GPC5: variants seen among roughly 807,000 people sequenced by gnomAD.
The protein encoded by GPC5 is glypican 5.
In GPC5, 47 loss-of-function variants were observed where a neutral mutation model predicts 53.9. That is an observed-to-expected ratio of 0.87 (90% CI 0.69 to 1.11). The LOEUF (loss-of-function observed/expected upper bound fraction) is 1.11. GPC5 is among the 50% of genes most tolerant of loss of function. The pLI is 0.00. For missense variants in GPC5, 748 were observed against 713.1 expected (o/e 1.05, Z -0.56); for synonymous variants, 286 against 263.3 (o/e 1.09, Z -0.84).
intron 5 of GPC5, among the ~76,000 whole-genome samples, chr13:91,797,690 C>T (rs2038068230): frequency 6.6e-6 from 1 of 152,172 alleles, no homozygotes; most frequent in African/African-American, 2.4e-5. Flanking sequence ...TGAGTTTCAT[C>T]CACATTTGAT....
At chr13:91,439,908 A>C (rs1173720251) in intron 1 of GPC5, among the ~76,000 whole-genome samples, 2 of 152,214 alleles carry the variant, frequency 1.3e-5, no homozygotes, top group East Asian at 1.9e-4. Context: ...CATTGTAATC[A>C]AGCTGCTATC....
rs544628369 is a variant in GPC5 at position 91,789,651 on chromosome 13, C to A, written c.1280+33231C>A. Among the ~76,000 whole-genome samples the A allele has an allele frequency of 2.0e-5, 3 of 152,240 alleles. No homozygotes were observed. The South Asian group carries it at 6.2e-4, about 32-fold the overall frequency. Reference sequence around the variant, plus strand: ...GCACGCTGACTTTCTACTATACAGACAATGTAAAGGGCTTTAAATTTGTTA... The same window carrying A: ...GCACGCTGACTTTCTACTATACAGAAAATGTAAAGGGCTTTAAATTTGTTA... On this transcript the variant is annotated intron_variant, in intron 5 of 7. Transcript: ENST00000377067.
chr13:91,689,533 C>T lies in GPC5; in HGVS notation c.326-3654C>T, dbSNP rs1302992371. On this transcript the variant is annotated intron_variant, in intron 2 of 7. Coordinates refer to ENST00000377067, the MANE Select transcript of GPC5 (RefSeq NM_004466.6). ...AAAACTTTTTGATTTTTTGTAGTAACATTTAGCTTAAAAGACAAACTCATT... is the reference window on the plus strand; with the variant it reads ...AAAACTTTTTGATTTTTTGTAGTAATATTTAGCTTAAAAGACAAACTCATT... Among the ~76,000 whole-genome samples the T allele has an allele frequency of 2.7e-5, 4 of 150,934 alleles. 1 individual carries two copies. The South Asian group carries it at 8.3e-4, about 31-fold the overall frequency.
chr13:92,239,056 TG>T (rs1319430711), intron 7 of GPC5, among the ~76,000 whole-genome samples: 9 of 151,916 alleles, frequency 5.9e-5, no homozygotes, highest in Non-Finnish European at 1.3e-4. Flanking sequence ...TGACTATAAA[TG>T]TGAAGTTTTA....
At chr13:92,527,394 A>AT (rs762392156) in intron 7 of GPC5, among the ~76,000 whole-genome samples, 1 of 152,118 alleles carries the variant, frequency 6.6e-6, no homozygotes, top group Non-Finnish European at 1.5e-5. Context: ...AAGTGGTATC[A>AT]TAGAAGAGCA....
intron 7 of GPC5, among the ~76,000 whole-genome samples, chr13:92,554,996 A>G (rs910426976): frequency 1.3e-5 from 2 of 150,862 alleles, no homozygotes; most frequent in Non-Finnish European, 3.0e-5. Flanking sequence ...AGAAGTGGGA[A>G]ATAGGGAGTT....
chr13:92,018,675 T>A (rs989382673), intron 6 of GPC5, among the ~76,000 whole-genome samples: 3 of 152,062 alleles, frequency 2.0e-5, no homozygotes, highest in African/African-American at 7.2e-5. Context: ...AATACGTAAC[T>A]AGAAATCAAG....
Position 92,422,867 on chromosome 13 carries a change from G to T in GPC5, c.1561+277878G>T, listed in dbSNP as rs141706531. Among the ~76,000 whole-genome samples, 395 of 152,374 alleles carry T rather than the reference G, an allele frequency of 2.6e-3. 4 individuals are homozygous for T. In the East Asian group the frequency reaches 0.033, roughly 13 times the overall value. On this transcript the variant is annotated intron_variant, in intron 7 of 7. Coordinates refer to ENST00000377067, the MANE Select transcript of GPC5 (RefSeq NM_004466.6). ...AATATGAGTCACACCATCAAAGCTA[G>T]TTAGCTGGGCTGGGTCACCTACTTC... is the stretch of plus-strand genomic sequence containing the variant.
chr13:91,693,942 T>C (rs1196907725), intron 3 of GPC5, 61 bp downstream of exon 3: 5 of 1,266,216 alleles, frequency 3.9e-6, no homozygotes, highest in Non-Finnish European at 5.5e-6. Context: ...AGCCATGATA[T>C]ACTTTAGGAA....
intron 7 of GPC5, among the ~76,000 whole-genome samples, chr13:92,543,425 TG>T (rs200776685): frequency 0.076 from 9,190 of 120,838 alleles, 388 homozygotes; most frequent in South Asian, 0.11. Flanking sequence ...TTTATTTTGA[TG>T]TTTTTTTTCT....
chr13:91,536,854 C>G (rs1249659844), intron 2 of GPC5, among the ~76,000 whole-genome samples: 2 of 152,186 alleles, frequency 1.3e-5, no homozygotes, highest in Non-Finnish European at 2.9e-5. Context: ...ATCATATGCT[C>G]TCTGATCACA....
intron 7 of GPC5, among the ~76,000 whole-genome samples, chr13:92,248,379 AC>A (rs1301962543): frequency 6.6e-6 from 1 of 152,060 alleles, no homozygotes; most frequent in Non-Finnish European, 1.5e-5. Context: ...CATAGTAAGA[AC>A]CTAGCCACAG....
chr13:92,749,211 C>G (rs1365687890), intron 7 of GPC5, among the ~76,000 whole-genome samples: 1 of 151,942 alleles, frequency 6.6e-6, no homozygotes, highest in Non-Finnish European at 1.5e-5. Context: ...TAGGTAAAAT[C>G]CAAACAAATT....
intron 7 of GPC5, among the ~76,000 whole-genome samples, chr13:92,411,028 A>C (rs1876017952): frequency 1.3e-5 from 2 of 152,194 alleles, no homozygotes; most frequent in African/African-American, 4.8e-5. Flanking sequence ...TGAGGTCAGG[A>C]GTCTGAGGCC....
At chr13:92,851,867 G>A (rs539116717) in intron 7 of GPC5, among the ~76,000 whole-genome samples, 155 of 130,588 alleles carry the variant, frequency 1.2e-3, no homozygotes, top group Non-Finnish European at 2.0e-3. Flanking sequence ...CAGCCTGAGT[G>A]ACAGAGCAAG....
intron 7 of GPC5, among the ~76,000 whole-genome samples, chr13:92,549,884 TACACACACACACACAC>T (rs34914341): frequency 1.4e-5 from 2 of 140,804 alleles, no homozygotes; most frequent in African/African-American, 5.2e-5. Context: ...AACACACACA[TACACACACACACACAC>T]ACACACACAC....
intron 7 of GPC5, among the ~76,000 whole-genome samples, chr13:92,408,629 G>GAC (rs35366487): frequency 1.8e-4 from 26 of 148,006 alleles, no homozygotes; most frequent in South Asian, 4.3e-4. Context: ...TATATATATA[G>GAC]ACACACACAC....
rs576614937 is a variant in GPC5, at chr13:91,513,081, T to C, written c.325+64159T>C. Among the ~76,000 whole-genome samples, 17 of 152,332 alleles carry C rather than the reference T, an allele frequency of 1.1e-4. No homozygotes were observed. In the South Asian group the frequency reaches 3.5e-3, roughly 32 times the overall value. Reference sequence around the variant, plus strand: ...CAGGCTGGTTACATAGGTAAACGTGTGCCATGGTGGTTTGCTGCACCTATG... The same window carrying C: ...CAGGCTGGTTACATAGGTAAACGTGCGCCATGGTGGTTTGCTGCACCTATG... On this transcript the variant is annotated intron_variant, in intron 2 of 7. Transcript: ENST00000377067.
chr13:91,614,543 G>C (rs72632628), intron 2 of GPC5, among the ~76,000 whole-genome samples: 5,467 of 152,166 alleles, frequency 0.036, 298 homozygotes, highest in South Asian at 0.22. Flanking sequence ...TATTGCCCAG[G>C]CTGGTCTTGA....
Sources: gnomAD v4.1 joint callset for allele counts (sites outside exome capture counted in the v4.1 genomes callset) on GRCh38, gnomAD v4.1.1 for gene constraint, MANE v1.5 for transcripts, NCBI Gene and HGNC (gene_info 2026-07-23, HGNC 2026-07-21) for gene names.